The following RIPOR3 variants were observed in gnomAD, a reference collection of about 807,000 sequenced individuals.
The protein encoded by RIPOR3 is family with sequence similarity 65 member C.
RIPOR3 carries 95 observed loss-of-function variants against 114.3 expected under a neutral mutation model. That is an observed-to-expected ratio of 0.83 (90% CI 0.70 to 0.99). RIPOR3 has a LOEUF of 0.99. Ranked by LOEUF, RIPOR3 falls within the 50% of genes least tolerant of loss-of-function variation. The pLI, the probability that RIPOR3 is intolerant of heterozygous loss-of-function variation, is 0.00. For synonymous variants in RIPOR3, 575 were observed against 543.8 expected (o/e 1.06, Z -0.80); for missense variants, 1,252 against 1,266.9 (o/e 0.99, Z 0.18).
In RIPOR3 at chr20:50,608,436, G is replaced by A; in HGVS notation, c.909C>T (p.Asp303=). Residue 303 remains aspartate, a synonymous_variant, in exon 11 of 22, where the codon GAC becomes GAT. Coordinates refer to ENST00000327979, the MANE Select transcript of RIPOR3 (RefSeq NM_001290268.2). ...GCTTGATGGTACCCAACTCCGTGAT[G>A]TCCACCACGATGACCTGCGGCCGCG... ...FTTRPQVIVV[D]ITELGTIKLQ... 1 of 1,614,024 alleles carries A rather than the reference G, an allele frequency of 6.2e-7. No homozygotes were observed. The highest frequency in any genetic ancestry group is 8.5e-7 in the Non-Finnish European group (1 of 1,179,948).
intron 1 of RIPOR3, among the ~76,000 whole-genome samples, chr20:50,643,716 T>C (rs1288712955): frequency 6.1e-4 from 92 of 150,560 alleles, no homozygotes; most frequent in African/African-American, 2.0e-3. Flanking sequence ...CTTTTTTTTT[T>C]TTTTTTTGAG....
intron 1 of RIPOR3, among the ~76,000 whole-genome samples, chr20:50,651,232 A>C (rs1279575864): frequency 2.6e-5 from 4 of 152,202 alleles, no homozygotes; most frequent in African/African-American, 4.8e-5. Context: ...CCCCAGTGAC[A>C]GCTAGGAAGG....
chr20:50,642,345 GGTGTGTGTGT>G (rs71190581), intron 1 of RIPOR3, among the ~76,000 whole-genome samples: 2 of 96,398 alleles, frequency 2.1e-5, no homozygotes, highest in Non-Finnish European at 4.2e-5. Context: ...GTTCTCTGTG[GGTGTGTGTGT>G]GTGTGTGTGT....
chr20:50,600,722 T>A (rs1335195444), intron 13 of RIPOR3, among the ~76,000 whole-genome samples: 3 of 152,206 alleles, frequency 2.0e-5, no homozygotes, highest in African/African-American at 7.2e-5. Flanking sequence ...ATTGCACCAC[T>A]GAACTCCAGC....
chr20:50,608,854 C>T (rs1019613070), intron 9 of RIPOR3, 58 bp downstream of exon 9: 34 of 1,607,182 alleles, frequency 2.1e-5, no homozygotes, highest in Admixed American at 3.4e-5. Flanking sequence ...CCAGCAGCTC[C>T]CGTCCCCCAA....
chr20:50,636,412 G>A (rs2084988416), intron 1 of RIPOR3, among the ~76,000 whole-genome samples: 1 of 152,196 alleles, frequency 6.6e-6, no homozygotes, highest in South Asian at 2.1e-4. Flanking sequence ...ACTGGATTGT[G>A]GGCAGGTCTA....
In RIPOR3 at chr20:50,592,449, G is replaced by A; in HGVS notation, c.2472C>T (p.Thr824=). 6.2e-7 allele frequency: 1 copy of A among 1,612,552 alleles called. No homozygotes were observed. The highest frequency in any genetic ancestry group is 1.1e-5 in the South Asian group (1 of 90,946). The part of the protein sequence containing the change: ...RLGQLQPLPQ[T]LRAWALLQLD... The stretch of plus-strand genomic sequence containing the variant: ...GCTGGAGCAGCGCCCAGGCTCTTAA[G>A]GTCTGGGGCAGAGGCTGGAGCTGGC... The change falls in exon 19 of 22, where the codon ACC becomes ACT. Residue 824 remains threonine, a synonymous_variant. Coordinates refer to ENST00000327979, the MANE Select transcript of RIPOR3 (RefSeq NM_001290268.2).
In RIPOR3 at chr20:50,587,202, G is replaced by A. The variant is rs745875659; in HGVS notation, c.*30C>T. 1.9e-6 allele frequency: 3 copies of A among 1,567,530 alleles called. No homozygotes were observed. The highest frequency in any genetic ancestry group is 1.8e-6 in the Non-Finnish European group (2 of 1,137,868). ...GCTGGGCAGCAGCAAAAAAAACGAT[G>A]TGAGATTTGTGCTCATCAGCCAGGA... On this transcript the variant is annotated 3_prime_UTR_variant, in exon 22 of 22. Coordinates refer to ENST00000327979, the MANE Select transcript of RIPOR3 (RefSeq NM_001290268.2).
intron 3 of RIPOR3, among the ~76,000 whole-genome samples, chr20:50,616,871 C>T (rs907859575): frequency 2.6e-5 from 4 of 152,112 alleles, no homozygotes; most frequent in African/African-American, 9.7e-5. Flanking sequence ...GGCCGGGCGC[C>T]GTGGCTGACG....
chr20:50,649,411 C>T (rs1373869230), intron 1 of RIPOR3, among the ~76,000 whole-genome samples: 1 of 152,178 alleles, frequency 6.6e-6, no homozygotes, highest in Non-Finnish European at 1.5e-5. Context: ...TGCCATTGCA[C>T]TCCAACCTGG....
intron 1 of RIPOR3, among the ~76,000 whole-genome samples, chr20:50,638,362 G>A (rs2085063834): frequency 6.6e-6 from 1 of 152,242 alleles, no homozygotes; most frequent in South Asian, 2.1e-4. Flanking sequence ...TGAGGACCGG[G>A]ATCCAGGGAG....
intron 17 of RIPOR3, among the ~76,000 whole-genome samples, 154 bp downstream of exon 17, chr20:50,594,399 G>T (rs1204510368): frequency 6.6e-6 from 1 of 152,066 alleles, no homozygotes; most frequent in African/African-American, 2.4e-5. Flanking sequence ...GCGGTGACTC[G>T]CACTGAAGCT....
At chr20:50,587,369 C>T (rs1413735294) in intron 21 of RIPOR3, 37 bp from the exon 22 acceptor site, 2 of 1,576,638 alleles carry the variant, frequency 1.3e-6, no homozygotes, top group Non-Finnish European at 1.7e-6. Flanking sequence ...GGGTTGGATC[C>T]TGCCTTGGCA....
At chr20:50,628,747 T>G (rs1486335894) in intron 2 of RIPOR3, among the ~76,000 whole-genome samples, 1 of 151,946 alleles carries the variant, frequency 6.6e-6, no homozygotes, top group Non-Finnish European at 1.5e-5. Context: ...AGGGCCAGAG[T>G]AGGTGCTCCG....
At position 50,586,953 on chromosome 20, in the gene RIPOR3, C is replaced by T. The variant is rs1257697541; in HGVS notation, c.*279G>A. The T allele has an allele frequency of 8.0e-6, 3 of 376,366 alleles. No individual in the cohort carries two copies. The highest frequency in any genetic ancestry group is 4.6e-5 in the East Asian group (1 of 21,596). 23.3% of individuals were successfully genotyped at this position (376,366 alleles called of 1,614,324 possible). On this transcript the variant is annotated 3_prime_UTR_variant, in exon 22 of 22. Transcript: ENST00000327979. ...CCTAGTTTGGCTCAGCTCTGCATCT[C>T]GGGGAAGGTCACACAGACCCTCAGC...
In RIPOR3 at chr20:50,597,725, G is replaced by T; in HGVS notation, c.1660-15C>A. Reference sequence around the variant, plus strand: ...GCTCTGCAGGGCTGTGGACGAAGTGGCCAGACCTGAGGGCAACACCGGGCC... The same window carrying T: ...GCTCTGCAGGGCTGTGGACGAAGTGTCCAGACCTGAGGGCAACACCGGGCC... On this transcript the variant is annotated splice_polypyrimidine_tract_variant and intron_variant, in intron 13 of 21. Coordinates refer to ENST00000327979, the MANE Select transcript of RIPOR3 (RefSeq NM_001290268.2). 1.9e-6 allele frequency: 3 copies of T among 1,610,928 alleles called. No homozygotes were observed. Among genetic ancestry groups the T allele is most frequent in the Non-Finnish European group, 2.5e-6 (3 of 1,178,674 alleles).
chr20:50,596,071 A>G, intron 15 of RIPOR3, 69 bp downstream of exon 15: 1 of 1,601,192 alleles, frequency 6.2e-7, no homozygotes, highest in Non-Finnish European at 8.5e-7. Flanking sequence ...CACCTTCAAG[A>G]TGAGCCTTTG....
At chr20:50,661,236 A>C (rs1191406369) in intron 1 of RIPOR3, among the ~76,000 whole-genome samples, 1 of 148,828 alleles carries the variant, frequency 6.7e-6, no homozygotes, top group Admixed American at 6.7e-5. Flanking sequence ...AGACTGTCTT[A>C]AAAAATAAAA....
chr20:50,660,371 G>T (rs957772646), intron 1 of RIPOR3: 2 of 152,208 alleles, frequency 1.3e-5, no homozygotes, highest in African/African-American at 4.8e-5. Flanking sequence ...ATCACCACAC[G>T]CAGGAAAAGG....
Sources: gnomAD v4.1 joint callset for allele counts (sites outside exome capture counted in the v4.1 genomes callset) on GRCh38, gnomAD v4.1.1 for gene constraint, MANE v1.5 for transcripts, NCBI Gene and HGNC (gene_info 2026-07-23, HGNC 2026-07-21) for gene names.